TACC2: variants seen among roughly 807,000 people sequenced by gnomAD.
The protein encoded by TACC2 is transforming acidic coiled-coil containing protein 2.
A neutral mutation model predicts 227.3 loss-of-function variants in TACC2; 137 were observed. The observed-to-expected ratio is 0.60, with a 90% confidence interval of 0.52 to 0.69. The LOEUF (loss-of-function observed/expected upper bound fraction) is 0.69. Ranked by LOEUF, TACC2 falls within the 30% of genes least tolerant of loss-of-function variation. The pLI is 0.00. For synonymous variants in TACC2, 1,523 were observed against 1,487.5 expected (o/e 1.02, Z -0.55); for missense variants, 3,470 against 3,694.4 (o/e 0.94, Z 1.57).
At chr10:122,090,225 T>TC (rs1245399130) in intron 5 of TACC2, among the ~76,000 whole-genome samples, 1 of 152,004 alleles carries the variant, frequency 6.6e-6, no homozygotes, top group Non-Finnish European at 1.5e-5. Flanking sequence ...TATAGTTTTT[T>TC]CCAGAATACT....
chr10:122,232,053 G>A (rs758227516), intron 16 of TACC2, among the ~76,000 whole-genome samples: 1 of 152,230 alleles, frequency 6.6e-6, no homozygotes, highest in South Asian at 2.1e-4. Context: ...TACACTGTGG[G>A]TGTGCAGGCT....
chr10:122,176,073 TTCTCTCTCTCTCTCTCTCTCTCTC>T (rs55655832), intron 7 of TACC2, among the ~76,000 whole-genome samples: 5 of 92,732 alleles, frequency 5.4e-5, no homozygotes, highest in South Asian at 5.3e-4. Flanking sequence ...GAGCAAAACC[TTCTCTCTCTCTCTCTCTCTCTCTC>T]TCTCTCTCTC....
chr10:122,067,507 G>GTTA (rs377587786), intron 3 of TACC2, among the ~76,000 whole-genome samples: 1 of 129,650 alleles, frequency 7.7e-6, no homozygotes, highest in African/African-American at 2.9e-5. Context: ...ACTGTTTCTG[G>GTTA]TTTTTTTTTT....
At chr10:122,136,629 T>C (rs1027042341) in intron 6 of TACC2, among the ~76,000 whole-genome samples, 1 of 151,688 alleles carries the variant, frequency 6.6e-6, no homozygotes, top group Non-Finnish European at 1.5e-5. Flanking sequence ...CTGGGCTCAC[T>C]GCAAACTCGG....
chr10:122,103,387 A>C (rs2082388129), intron 5 of TACC2, among the ~76,000 whole-genome samples: 1 of 152,226 alleles, frequency 6.6e-6, no homozygotes, highest in Non-Finnish European at 1.5e-5. Context: ...TAAGGACAAC[A>C]GCAGTACCTG....
chr10:122,177,060 A>C (rs994421855), intron 7 of TACC2, among the ~76,000 whole-genome samples: 1 of 152,192 alleles, frequency 6.6e-6, no homozygotes, highest in African/African-American at 2.4e-5. Context: ...GAGATACTTT[A>C]CTAATGTAGA....
intron 8 of TACC2, among the ~76,000 whole-genome samples, chr10:122,208,407 G>C (rs1211684408): frequency 6.6e-6 from 1 of 152,204 alleles, no homozygotes; most frequent in Admixed American, 6.5e-5. Flanking sequence ...GTTGCTATGA[G>C]CAAAGCTTGG....
chr10:122,074,889 G>A (rs796356189), intron 3 of TACC2, among the ~76,000 whole-genome samples: 37 of 152,138 alleles, frequency 2.4e-4, no homozygotes, highest in African/African-American at 8.4e-4. Context: ...CTTTCTTTGG[G>A]CACGGTCTCA....
At chr10:122,104,065 ACTG>A (rs1253497129) in intron 5 of TACC2, among the ~76,000 whole-genome samples, 2 of 152,176 alleles carry the variant, frequency 1.3e-5, no homozygotes, top group African/African-American at 4.8e-5. Flanking sequence ...TTGTCTTTTC[ACTG>A]CTGTTTCTGC....
chr10:122,009,915 ACT>A (rs1277559096), intron 1 of TACC2, among the ~76,000 whole-genome samples: 9 of 152,240 alleles, frequency 5.9e-5, no homozygotes, highest in African/African-American at 2.2e-4. Flanking sequence ...ACAGAGTGAG[ACT>A]CTGTTTTCAA....
intron 3 of TACC2, among the ~76,000 whole-genome samples, chr10:122,058,209 G>A (rs2459098): frequency 0.57 from 86,439 of 152,042 alleles, 25,577 homozygotes; most frequent in Non-Finnish European, 0.65. Flanking sequence ...TACTATGCAT[G>A]CACGCCCCTC....
chr10:122,122,613 C>G (rs1040690624), intron 5 of TACC2, among the ~76,000 whole-genome samples: 1 of 151,918 alleles, frequency 6.6e-6, no homozygotes, highest in Non-Finnish European at 1.5e-5. Flanking sequence ...CTGCTTTCCC[C>G]GGGGTCCTGT....
At chr10:122,101,863 C>T (rs1428901246) in intron 5 of TACC2, among the ~76,000 whole-genome samples, 1 of 151,164 alleles carries the variant, frequency 6.6e-6, no homozygotes, top group East Asian at 2.0e-4. Flanking sequence ...TGAGCTACCA[C>T]ACCCAGCCAA....
intron 19 of TACC2, among the ~76,000 whole-genome samples, chr10:122,245,287 G>A (rs1486687984): frequency 1.3e-5 from 2 of 152,128 alleles, no homozygotes; most frequent in Non-Finnish European, 2.9e-5. Context: ...GAACCTAACT[G>A]CGTTTGTCAT....
At chr10:122,054,877 G>A (rs1441563276) in intron 3 of TACC2, among the ~76,000 whole-genome samples, 2 of 152,152 alleles carry the variant, frequency 1.3e-5, no homozygotes, top group African/African-American at 2.4e-5. Flanking sequence ...AGAGAGCGCT[G>A]GAGCAAAGTT....
rs571034477 is a variant in TACC2, at chr10:122,068,038, T to G, written c.147-14609T>G. On this transcript the variant is annotated intron_variant, in intron 3 of 22. Coordinates refer to ENST00000369005, the MANE Select transcript of TACC2 (RefSeq NM_206862.4). ...CTTTCAGTCTTAATTCTCTCTGTGT[T>G]TCATTTTAGAACATTTTTATCGCTA... Among the ~76,000 whole-genome samples the G allele has an allele frequency of 2.0e-5, 3 of 152,310 alleles. No homozygotes were observed. The East Asian group carries it at 5.8e-4, about 29-fold the overall frequency.
chr10:122,150,239 C>T lies in TACC2; in HGVS notation c.5834+6533C>T, dbSNP rs536778425. On this transcript the variant is annotated intron_variant, in intron 7 of 22. Transcript: ENST00000369005. This position sits in a 1 kb window ranked among gnomAD's most constrained non-coding sequence, Gnocchi z 4.0. ...GCCATCTGGGCGGCAGTCCCACGGC[C>T]CCTAGAGCAGCTGGGAAGGGGATCC... Among the ~76,000 whole-genome samples, 10 of 152,342 alleles carry T rather than the reference C, an allele frequency of 6.6e-5. No homozygotes were observed. Among genetic ancestry groups the T allele is most frequent in the African/African-American group, 2.2e-4 (9 of 41,582 alleles).
chr10:122,225,645 G>A lies in TACC2; in HGVS notation c.7609-721G>A, dbSNP rs537093810. Among the ~76,000 whole-genome samples, 60 of 152,312 alleles carry A rather than the reference G, an allele frequency of 3.9e-4. 1 individual carries two copies. In the South Asian group the frequency reaches 9.1e-3, roughly 23 times the overall value. On this transcript the variant is annotated intron_variant, in intron 12 of 22. Transcript: ENST00000369005. Reference sequence around the variant, plus strand: ...ATTTTACCGCTGAAGGGGAACTGTCGTGTGTTTTGAGATCTTTGATTTAAA... The same window carrying A: ...ATTTTACCGCTGAAGGGGAACTGTCATGTGTTTTGAGATCTTTGATTTAAA...
Position 122,086,324 on chromosome 10 carries a change from C to T in TACC2, c.3824C>T (p.Pro1275Leu). The T allele has an allele frequency of 3.1e-6, 5 of 1,613,894 alleles. No homozygotes were observed. Residue 1275 changes from proline (P) to leucine (L), a missense_variant, in exon 4 of 23, where the codon CCA becomes CTA. Coordinates refer to ENST00000369005, the MANE Select transcript of TACC2 (RefSeq NM_206862.4). ...GESPCPVGEP[P>L]LALENAASLK... is the part of the protein sequence containing the mutation. ...AGCCCCTGTCCTGTAGGGGAGCCCC[C>T]ACTTGCCTTGGAAAATGCTGCCTCC...
Sources: allele counts gnomAD v4.1 joint callset (sites outside exome capture counted in the v4.1 genomes callset), GRCh38; gene constraint gnomAD v4.1.1; non-coding constraint Gnocchi (gnomAD v3.1); transcripts MANE v1.5; gene names NCBI Gene and HGNC (gene_info 2026-07-23, HGNC 2026-07-21).